The following COL25A1 variants were observed in gnomAD, a reference collection of about 807,000 sequenced individuals.
COL25A1 encodes collagen type XXV alpha 1 chain, also known as collagen alpha-1(XXV) chain.
COL25A1 carries 103 observed loss-of-function variants against 128.4 expected under a neutral mutation model. The observed-to-expected ratio is 0.80, with a 90% CI of 0.68 to 0.94. The LOEUF is 0.94. COL25A1 is among the 40% of genes least tolerant of loss of function. The pLI, the probability that COL25A1 is intolerant of heterozygous loss-of-function variation, is 0.00. For missense variants in COL25A1, 745 were observed against 840.0 expected (o/e 0.89, Z 1.40); for synonymous variants, 279 against 277.2 (o/e 1.01, Z -0.06).
At chr4:109,078,031 C>T (rs970601442) in intron 3 of COL25A1, among the ~76,000 whole-genome samples, 1 of 152,182 alleles carries the variant, frequency 6.6e-6, no homozygotes, top group Non-Finnish European at 1.5e-5. Context: ...TTCTCGGCTG[C>T]TCTTACAATG....
intron 3 of COL25A1, among the ~76,000 whole-genome samples, chr4:109,279,387 G>A (rs926238375): frequency 1.2e-4 from 18 of 151,962 alleles, no homozygotes; most frequent in Admixed American, 4.6e-4. Context: ...AGACCATCCT[G>A]GGCAAAATAA....
rs549191472 is a variant in COL25A1, at chr4:108,982,847, C to A, written c.439-8288G>T. 6.6e-5 allele frequency among the ~76,000 whole-genome samples: 10 copies of A among 152,198 alleles called. No homozygotes were observed. The South Asian group carries it at 1.2e-3, about 19-fold the overall frequency. Reference sequence around the variant, plus strand: ...AGGTTTTTTGTGATGTCCATCTGAGCCCTGAACAAGGGACTATATGTGCCC... The same window carrying A: ...AGGTTTTTTGTGATGTCCATCTGAGACCTGAACAAGGGACTATATGTGCCC... On this transcript the variant is annotated intron_variant, in intron 6 of 37. Coordinates refer to ENST00000399132, the MANE Select transcript of COL25A1 (RefSeq NM_198721.4).
chr4:108,956,955 C>T (rs1190802430), intron 8 of COL25A1, among the ~76,000 whole-genome samples: 1 of 152,094 alleles, frequency 6.6e-6, no homozygotes, highest in Admixed American at 6.5e-5. Flanking sequence ...AAACAAGTTA[C>T]ATAAATACAC....
intron 3 of COL25A1, among the ~76,000 whole-genome samples, chr4:109,073,886 G>T (rs10010064): frequency 0.098 from 14,902 of 152,156 alleles, 1,002 homozygotes; most frequent in East Asian, 0.29. Context: ...AAAAATAACA[G>T]TTTAATAAAT....
At chr4:108,907,326 C>A (rs941352994) in intron 13 of COL25A1, among the ~76,000 whole-genome samples, 1 of 152,162 alleles carries the variant, frequency 6.6e-6, no homozygotes, top group Non-Finnish European at 1.5e-5. Context: ...GGGTCCAGAG[C>A]CTGGGGCATT....
At chr4:109,032,171 C>G (rs539320887) in intron 5 of COL25A1, among the ~76,000 whole-genome samples, 4 of 152,052 alleles carry the variant, frequency 2.6e-5, no homozygotes, top group Non-Finnish European at 5.9e-5. Context: ...TGTCTAAGAT[C>G]ACACCACTAG....
At chr4:109,115,548 C>T (rs578130901) in intron 3 of COL25A1, among the ~76,000 whole-genome samples, 1 of 152,146 alleles carries the variant, frequency 6.6e-6, no homozygotes, top group Admixed American at 6.6e-5. Context: ...AATTTTGTAT[C>T]TTTCTTCTTC....
At chr4:109,143,506 A>T (rs1443555868) in intron 3 of COL25A1, among the ~76,000 whole-genome samples, 1 of 152,164 alleles carries the variant, frequency 6.6e-6, no homozygotes, top group Non-Finnish European at 1.5e-5. Context: ...GTGTCTTCCA[A>T]CTTGATTCCA....
chr4:108,857,770 G>T (rs764737656), intron 24 of COL25A1, among the ~76,000 whole-genome samples: 1 of 152,042 alleles, frequency 6.6e-6, no homozygotes, highest in South Asian at 2.1e-4. Flanking sequence ...TTGTACATAC[G>T]AATGAAGTAT....
At chr4:108,949,701 T>A (rs962199646) in intron 8 of COL25A1, among the ~76,000 whole-genome samples, 5 of 139,332 alleles carry the variant, frequency 3.6e-5, no homozygotes, top group African/African-American at 1.6e-4. Context: ...GCCTGCTAAT[T>A]TTTTTTTGCA....
chr4:108,958,989 A>G (rs1750374483), intron 8 of COL25A1, among the ~76,000 whole-genome samples: 1 of 152,236 alleles, frequency 6.6e-6, no homozygotes, highest in South Asian at 2.1e-4. Context: ...TAGAAAGTAA[A>G]TGATTCATAA....
chr4:108,821,301 C>G (rs536443853), intron 35 of COL25A1, among the ~76,000 whole-genome samples: 2 of 152,226 alleles, frequency 1.3e-5, no homozygotes, highest in South Asian at 2.1e-4. Flanking sequence ...TGATCATGAT[C>G]AAAGACAATG....
chr4:109,037,376 C>A (rs1759453979), intron 5 of COL25A1, among the ~76,000 whole-genome samples: 1 of 152,178 alleles, frequency 6.6e-6, no homozygotes, highest in Admixed American at 6.5e-5. Context: ...TATGATGGAT[C>A]CAAAGCCAGG....
At chr4:109,095,709 TAGTAA>T (rs1278997373) in intron 3 of COL25A1, among the ~76,000 whole-genome samples, 1 of 152,148 alleles carries the variant, frequency 6.6e-6, no homozygotes, top group Non-Finnish European at 1.5e-5. Context: ...AATAACATAG[TAGTAA>T]AATAAAGAAT....
intron 37 of COL25A1, among the ~76,000 whole-genome samples, chr4:108,815,568 C>A (rs1373196836): frequency 6.6e-6 from 1 of 151,858 alleles, no homozygotes; most frequent in Non-Finnish European, 1.5e-5. Flanking sequence ...AATTCTTATT[C>A]TTTATATAAG....
chr4:108,958,618 C>G (rs989060079), intron 8 of COL25A1, among the ~76,000 whole-genome samples: 1 of 152,020 alleles, frequency 6.6e-6, no homozygotes, highest in Admixed American at 6.6e-5. Flanking sequence ...TCAAAGTCTC[C>G]TATGTTTCTA....
chr4:108,894,817 CAG>C (rs1335810580), intron 16 of COL25A1, among the ~76,000 whole-genome samples: 11 of 152,156 alleles, frequency 7.2e-5, no homozygotes, highest in Non-Finnish European at 1.3e-4. Flanking sequence ...TTGTATTAAA[CAG>C]ATTCATGCCA....
chr4:108,903,493 C>T (rs1743099387), intron 13 of COL25A1, among the ~76,000 whole-genome samples: 1 of 151,870 alleles, frequency 6.6e-6, no homozygotes, highest in South Asian at 2.1e-4. Flanking sequence ...TTTAATCAGT[C>T]CCACATTGTT....
chr4:109,033,719 A>C (rs576635651), intron 5 of COL25A1, among the ~76,000 whole-genome samples: 118 of 152,270 alleles, frequency 7.7e-4, no homozygotes, highest in African/African-American at 2.8e-3. Context: ...TAATAATGCT[A>C]TAAAATCTAA....
Sources: gnomAD v4.1 joint callset for allele counts (sites outside exome capture counted in the v4.1 genomes callset) on GRCh38, gnomAD v4.1.1 for gene constraint, MANE v1.5 for transcripts, NCBI Gene and HGNC (gene_info 2026-07-23, HGNC 2026-07-21) for gene names.